WASHC2A: variants seen among roughly 807,000 people sequenced by gnomAD.
WASHC2A encodes the protein WASH complex subunit 2A.
A neutral mutation model predicts 140.3 loss-of-function variants in WASHC2A; 82 were observed. That is an observed-to-expected ratio of 0.58 (90% CI 0.49 to 0.70). The LOEUF is 0.70. WASHC2A is among the 30% of genes least tolerant of loss of function. The pLI, the probability that WASHC2A is intolerant of heterozygous loss-of-function variation, is 0.00. For missense variants in WASHC2A, 985 were observed against 1,521.8 expected, an observed-to-expected ratio of 0.65 and a Z score of 5.87; for synonymous variants, 340 against 560.8, an observed-to-expected ratio of 0.61 and a Z score of 5.56.
In WASHC2A at chr10:50,129,405, T is replaced by G. The variant is rs764693060; in HGVS notation, c.3088-14T>G. 7.4e-6 allele frequency: 12 copies of G among 1,611,960 alleles called. No homozygotes were observed. In the South Asian group the frequency reaches 1.3e-4, roughly 18 times the overall value. On this transcript the variant is annotated splice_polypyrimidine_tract_variant and intron_variant, in intron 28 of 30. Coordinates refer to ENST00000282633, the MANE Select transcript of WASHC2A (RefSeq NM_001005751.3). Reference sequence around the variant, plus strand: ...TTTATCGTCAGATCAATGTGTGTTTTTTTGCCATTGCAGAGCCGTGTCAAG... The same window carrying G: ...TTTATCGTCAGATCAATGTGTGTTTGTTTGCCATTGCAGAGCCGTGTCAAG...
In WASHC2A at chr10:50,105,771, C is replaced by G. The variant is rs1394648040; in HGVS notation, c.1738-563C>G. Among the ~76,000 whole-genome samples the G allele has an allele frequency of 2.0e-5, 3 of 146,898 alleles. No homozygotes were observed. The Admixed American group carries it at 2.0e-4, about 10-fold the overall frequency. ...AATGCCATTAAACTTAGTACACCAGCAATTTTATTTAGTAAGCTATTTCTC... is the reference window on the plus strand; with the variant it reads ...AATGCCATTAAACTTAGTACACCAGGAATTTTATTTAGTAAGCTATTTCTC... On this transcript the variant is annotated intron_variant, in intron 18 of 30. Transcript: ENST00000282633.
intron 29 of WASHC2A, among the ~76,000 whole-genome samples, chr10:50,130,601 A>C (rs1589293697): frequency 6.6e-6 from 1 of 152,178 alleles, no homozygotes. Flanking sequence ...ATGTTTTCAA[A>C]TAGTACTAAG....
In WASHC2A at chr10:50,129,547, C is replaced by T. The variant is rs1285392453; in HGVS notation, c.3216C>T (p.Gly1072=). 1.7e-5 allele frequency: 28 copies of T among 1,611,880 alleles called. No individual in the cohort carries two copies. The highest frequency in any genetic ancestry group is 2.3e-5 in the Non-Finnish European group (27 of 1,179,862). The change falls in exon 29 of 31, where the codon GGC becomes GGT. Residue 1072 remains glycine, a synonymous_variant. Transcript: ENST00000282633. ...GACCCATTGCACAGTGGGCTGATGG[C>T]GCCATTTCCCCAAATGGCCATCGGC... ...PRGPIAQWAD[G]AISPNGHRPQ... is the part of the protein sequence containing the mutation.
rs1840629311 is a variant in WASHC2A at position 50,097,771 on chromosome 10, CA to C, written c.1518del (p.Asp507MetfsTer50). On this transcript the variant is annotated frameshift_variant, in exon 16 of 31. Transcript: ENST00000282633. LOFTEE classifies it high-confidence loss of function. ...TCGCCAGAAGCCACTGTGAGTCAGA[CA>C]GATGAAAATAAAGCAAGAGCAGAAA... ...VASPEATVSQ[T>X]DENKARAEKK... 6.2e-7 allele frequency: 1 copy of C among 1,605,036 alleles called. No homozygotes were observed. Among genetic ancestry groups the C allele is most frequent in the Non-Finnish European group, 8.5e-7 (1 of 1,177,898 alleles).
At position 50,089,174 on chromosome 10, in the gene WASHC2A, C is replaced by T. The variant is rs1271891405; in HGVS notation, c.733-1602C>T. ...GAGATGGGGTATCGCCATGTTGGCGCGGCTGGTCTTGAACTCCTGACCTCA... is the reference window on the plus strand; with the variant it reads ...GAGATGGGGTATCGCCATGTTGGCGTGGCTGGTCTTGAACTCCTGACCTCA... On this transcript the variant is annotated intron_variant, in intron 8 of 30. Transcript: ENST00000282633. Among the ~76,000 whole-genome samples, 99 of 139,644 alleles carry T rather than the reference C, an allele frequency of 7.1e-4. 1 individual carries two copies. The highest frequency in any genetic ancestry group is 8.1e-3 in the Middle Eastern group (2 of 248). 91.6% of individuals were successfully genotyped at this position (139,644 alleles called of 152,430 possible).
At chr10:50,119,847 T>C (rs2132994380) in intron 23 of WASHC2A, 78 bp downstream of exon 23, 1 of 997,450 alleles carries the variant, frequency 1.0e-6, no homozygotes, top group Middle Eastern at 3.3e-4. Context: ...TTCTGTCATG[T>C]GAGTTTCTGA....
chr10:50,127,965 C>T (rs1843592064), intron 28 of WASHC2A, among the ~76,000 whole-genome samples, 170 bp downstream of exon 28: 1 of 152,138 alleles, frequency 6.6e-6, no homozygotes, highest in African/African-American at 2.4e-5. Flanking sequence ...CCCCCTCATC[C>T]TGCACCTGCT....
At chr10:50,113,504 T>C (rs1842450565) in intron 20 of WASHC2A, among the ~76,000 whole-genome samples, 1 of 152,094 alleles carries the variant, frequency 6.6e-6, no homozygotes, top group Admixed American at 6.6e-5. Context: ...TGATCTCTCT[T>C]GGCAACCGTC....
intron 20 of WASHC2A, among the ~76,000 whole-genome samples, chr10:50,112,801 G>A (rs1398377807): frequency 6.6e-6 from 1 of 150,888 alleles, no homozygotes; most frequent in Non-Finnish European, 1.5e-5. Flanking sequence ...GCTGGTCACA[G>A]AAAACCACAT....
chr10:50,124,395 C>T (rs371366276), intron 23 of WASHC2A, among the ~76,000 whole-genome samples: 12 of 151,920 alleles, frequency 7.9e-5, no homozygotes, highest in African/African-American at 2.2e-4. Context: ...TGAGCCACCA[C>T]GCCTGGCCTT....
Position 50,129,366 on chromosome 10 carries a change from T to C in WASHC2A, c.3088-53T>C, listed in dbSNP as rs1843728423. The C allele has an allele frequency of 3.1e-6, 5 of 1,612,070 alleles. No individual in the cohort carries two copies. The African/African-American group carries it at 4.0e-5, about 13-fold the overall frequency. ...GTCACTGATTCTTTGCCATGGTAGC[T>C]TTGAACACTTTATTTTATCGTCAGA... On this transcript the variant is annotated intron_variant, in intron 28 of 30. Coordinates refer to ENST00000282633, the MANE Select transcript of WASHC2A (RefSeq NM_001005751.3).
At chr10:50,091,646 T>C (rs1839939489) in intron 10 of WASHC2A, 128 bp downstream of exon 10, 6 of 959,952 alleles carry the variant, frequency 6.3e-6, no homozygotes, top group African/African-American at 1.6e-5. Flanking sequence ...TTGCTACATA[T>C]AATTTAAATT....
chr10:50,080,147 T>C lies in WASHC2A; in HGVS notation c.355-611T>C, dbSNP rs1388794989. On this transcript the variant is annotated intron_variant, in intron 4 of 30. Coordinates refer to ENST00000282633, the MANE Select transcript of WASHC2A (RefSeq NM_001005751.3). ...ACTGCTGTTGCAGGAAGAAGACACC[T>C]GAGGGAGATTCTCAGCCTGTTGGTG... Among the ~76,000 whole-genome samples the C allele has an allele frequency of 4.6e-5, 7 of 152,324 alleles. No individual in the cohort carries two copies. The East Asian group carries it at 1.3e-3, about 29-fold the overall frequency.
At chr10:50,091,395 AC>A in intron 9 of WASHC2A, 35 bp from the exon 10 acceptor site, 2 of 1,548,456 alleles carry the variant, frequency 1.3e-6, no homozygotes, top group Non-Finnish European at 1.7e-6. Flanking sequence ...CTAGTTTGTT[AC>A]AAAAAAGCGA....
In WASHC2A at chr10:50,129,774, C is replaced by A. The variant is rs1398407445; in HGVS notation, c.3443C>A (p.Thr1148Lys). The A allele has an allele frequency of 1.9e-6, 3 of 1,612,026 alleles. No homozygotes were observed. The highest frequency in any genetic ancestry group is 1.7e-6 in the Non-Finnish European group (2 of 1,179,868). ...TGTGSQSVER[T>K]KPKAKIAENP... is the part of the protein sequence containing the mutation. ...ACTGGATCTCAGTCTGTGGAGAGAA[C>A]AAAACCCAAGGCAAAGATAGCAGAG... Residue 1148 changes from threonine (T) to lysine (K), a missense_variant, in exon 29 of 31, where the codon ACA (threonine) becomes AAA (lysine). Physicochemically the swap from Thr to Lys is moderately conservative, Grantham distance 78. Coordinates refer to ENST00000282633, the MANE Select transcript of WASHC2A (RefSeq NM_001005751.3).
At chr10:50,068,466 TC>T (rs1837498174) in intron 2 of WASHC2A, among the ~76,000 whole-genome samples, 1 of 150,970 alleles carries the variant, frequency 6.6e-6, no homozygotes, top group Admixed American at 6.6e-5. Flanking sequence ...CTGGCTCAGC[TC>T]CATCCGGAGG....
rs1322217985 is a variant in WASHC2A, at chr10:50,103,499, T to G, written c.1636-543T>G. ...GGCGTGAATCCGGGAGGCGGAGCTT[T>G]CAGTGAGCCGAGATTGCACCACTGC... On this transcript the variant is annotated intron_variant, in intron 17 of 30. Transcript: ENST00000282633. Among the ~76,000 whole-genome samples the G allele has an allele frequency of 1.8e-4, 27 of 152,032 alleles. No individual in the cohort carries two copies. In the East Asian group the frequency reaches 3.3e-3, roughly 19 times the overall value.
chr10:50,081,611 G>A (rs1396018942), intron 5 of WASHC2A, among the ~76,000 whole-genome samples: 1 of 146,168 alleles, frequency 6.8e-6, no homozygotes, highest in East Asian at 2.0e-4. Context: ...AAGGCCTTCC[G>A]AATTAAAACA....
chr10:50,071,083 A>T (rs1339355184), intron 3 of WASHC2A, among the ~76,000 whole-genome samples: 1 of 121,034 alleles, frequency 8.3e-6, no homozygotes, highest in Non-Finnish European at 1.8e-5. Context: ...CTGATTGTTT[A>T]CACAGAATGT....
Sources: gnomAD v4.1 joint callset for allele counts (sites outside exome capture counted in the v4.1 genomes callset) on GRCh38, gnomAD v4.1.1 for gene constraint, MANE v1.5 for transcripts, NCBI Gene and HGNC (gene_info 2026-07-23, HGNC 2026-07-21) for gene names.